PACS1: variants seen among roughly 807,000 people sequenced by gnomAD.
PACS1 encodes the protein phosphofurin acidic cluster sorting protein 1.
PACS1 carries 24 observed loss-of-function variants against 115.0 expected under a neutral mutation model. The ratio of observed to expected loss-of-function variants is 0.21; its 90% CI spans 0.15 to 0.29. The LOEUF (loss-of-function observed/expected upper bound fraction) is 0.29, where lower values mean the gene tolerates loss of function less well. PACS1 is among the 10% of genes least tolerant of loss of function. The pLI is 1.00. For missense variants in PACS1, 838 were observed against 1,251.2 expected (o/e 0.67, Z 4.98); for synonymous variants, 453 against 504.5 (o/e 0.90, Z 1.37).
intron 1 of PACS1, among the ~76,000 whole-genome samples, chr11:66,077,213 G>C (rs1857413050): frequency 6.6e-6 from 1 of 152,172 alleles, no homozygotes; most frequent in South Asian, 2.1e-4. Flanking sequence ...AATCGCAGTA[G>C]AACAGACAGC....
chr11:66,141,753 A>T (rs546402035), intron 1 of PACS1, among the ~76,000 whole-genome samples: 1 of 151,602 alleles, frequency 6.6e-6, no homozygotes, highest in South Asian at 2.1e-4. Flanking sequence ...GGTATGTGCC[A>T]CCACACCTAG....
chr11:66,232,106 C>T (rs1444317829), intron 13 of PACS1, 66 bp from the exon 14 acceptor site: 21 of 979,482 alleles, frequency 2.1e-5, no homozygotes, highest in Non-Finnish European at 3.1e-5. Flanking sequence ...TGCACCAGTC[C>T]AGCAGCCCTG....
chr11:66,227,511 T>C lies in PACS1; in HGVS notation c.1301T>C (p.Leu434Ser). The C allele has an allele frequency of 6.3e-7, 1 of 1,596,700 alleles. No individual in the cohort carries two copies. The highest frequency in any genetic ancestry group is 1.1e-5 in the South Asian group (1 of 90,054). Residue 434 changes from leucine (L) to serine (S), a missense_variant, in exon 11 of 24, where the codon TTG (leucine) becomes TCG (serine). Transcript: ENST00000320580. The part of the protein sequence containing the change: ...LGKDTTSPME[L>S]AALEKIKSTW... ...TTCTTATAATTTTTGCAGATGGAATTGGCTGCTCTAGAAAAAATTAAATCT... is the reference window on the plus strand; with the variant it reads ...TTCTTATAATTTTTGCAGATGGAATCGGCTGCTCTAGAAAAAATTAAATCT...
chr11:66,090,271 CTTTTTTT>C (rs930565654), intron 1 of PACS1, among the ~76,000 whole-genome samples: 6 of 109,444 alleles, frequency 5.5e-5, no homozygotes, highest in African/African-American at 1.1e-4. Context: ...TCTTTCCTTT[CTTTTTTT>C]TTTTTTTTTT....
chr11:66,190,271 C>T (rs1202375013), intron 1 of PACS1, among the ~76,000 whole-genome samples: 2 of 152,138 alleles, frequency 1.3e-5, no homozygotes, highest in Non-Finnish European at 2.9e-5. Flanking sequence ...TTTTGGCAAG[C>T]CTCAGATGAG....
intron 4 of PACS1, among the ~76,000 whole-genome samples, chr11:66,213,466 T>G (rs1055569333): frequency 5.3e-5 from 8 of 152,198 alleles, no homozygotes; most frequent in African/African-American, 1.9e-4. Flanking sequence ...CTGGTTCTTT[T>G]CAGTAGAGGA....
Position 66,070,567 on chromosome 11 carries a change from G to T in PACS1, c.81G>T (p.Gln27His). 6.8e-7 allele frequency: 1 copy of T among 1,473,764 alleles called. No homozygotes were observed. Among genetic ancestry groups the T allele is most frequent in the South Asian group, 1.3e-5 (1 of 77,734 alleles). 91.3% of individuals were successfully genotyped at this position (1,473,764 alleles called of 1,614,324 possible). ...GCCAGCGGGGATCCGGGGTCGCCCAGTCCCCTCAGCAGCCGCCGCCGCAGC... is the reference window on the plus strand; with the variant it reads ...GCCAGCGGGGATCCGGGGTCGCCCATTCCCCTCAGCAGCCGCCGCCGCAGC... ...GSGQRGSGVA[Q>H]SPQQPPPQQQ... Residue 27 changes from glutamine to histidine, a missense_variant, in exon 1 of 24, where the codon CAG becomes CAT. Physicochemically the swap from Gln to His is conservative, Grantham distance 24. Around this residue, in one of 6 missense-constraint regions of PACS1, gnomAD observed 129 missense variants for 109.4 expected, o/e 1.18. Transcript: ENST00000320580. The surrounding 1 kb of genome is among the most constrained non-coding windows in gnomAD (Gnocchi z 5.9).
chr11:66,087,435 G>A (rs1857592507), intron 1 of PACS1, among the ~76,000 whole-genome samples: 1 of 152,124 alleles, frequency 6.6e-6, no homozygotes, highest in Non-Finnish European at 1.5e-5. Flanking sequence ...TAGAGGAAGG[G>A]TTTCACCATG....
At chr11:66,231,654 G>T (rs1037321795) in intron 13 of PACS1, 20 of 167,874 alleles carry the variant, frequency 1.2e-4, no homozygotes, top group Non-Finnish European at 2.1e-4. Flanking sequence ...CTTGAGACTA[G>T]AATAGCCCAG....
At position 66,173,505 on chromosome 11, in the gene PACS1, C is replaced by T. The variant is rs575866957; in HGVS notation, c.357-19981C>T. ...AGCGGATCACTTGAGCTCAGGAGTTCGAAACCAGCTTGGCCATCATGGTGA... is the reference window on the plus strand; with the variant it reads ...AGCGGATCACTTGAGCTCAGGAGTTTGAAACCAGCTTGGCCATCATGGTGA... On this transcript the variant is annotated intron_variant, in intron 1 of 23. Coordinates refer to ENST00000320580, the MANE Select transcript of PACS1 (RefSeq NM_018026.4). 2.4e-3 allele frequency among the ~76,000 whole-genome samples: 358 copies of T among 151,996 alleles called. 2 individuals are homozygous for T. The highest frequency in any genetic ancestry group is 4.5e-3 in the Non-Finnish European group (305 of 67,980).
intron 1 of PACS1, among the ~76,000 whole-genome samples, chr11:66,073,568 T>C (rs2134490736): frequency 6.6e-6 from 1 of 152,340 alleles, no homozygotes; most frequent in East Asian, 1.9e-4. Context: ...TACCGTTTCC[T>C]GTATTAGATA....
chr11:66,147,856 A>G (rs1006409070), intron 1 of PACS1, among the ~76,000 whole-genome samples: 1 of 152,218 alleles, frequency 6.6e-6, no homozygotes, highest in African/African-American at 2.4e-5. Flanking sequence ...TGTCTGTGAC[A>G]CAAATGATAA....
chr11:66,196,355 C>A (rs1854650071), intron 2 of PACS1, among the ~76,000 whole-genome samples: 1 of 152,234 alleles, frequency 6.6e-6, no homozygotes, highest in Non-Finnish European at 1.5e-5. Context: ...GACGTGTACA[C>A]TGAGCACTTC....
At chr11:66,229,673 C>T (rs1044375422) in intron 11 of PACS1, among the ~76,000 whole-genome samples, 4 of 151,338 alleles carry the variant, frequency 2.6e-5, no homozygotes, top group Non-Finnish European at 5.9e-5. Flanking sequence ...AGCAAGACTC[C>T]GTCTCAAAAA....
At chr11:66,081,162 A>G (rs1857469765) in intron 1 of PACS1, among the ~76,000 whole-genome samples, 1 of 152,046 alleles carries the variant, frequency 6.6e-6, no homozygotes, top group Admixed American at 6.6e-5. Context: ...GAGCTCAGGA[A>G]GTCAAGAATT....
At chr11:66,074,636 A>T (rs535305475) in intron 1 of PACS1, among the ~76,000 whole-genome samples, 162 of 152,312 alleles carry the variant, frequency 1.1e-3, no homozygotes, top group Middle Eastern at 0.01. Context: ...CCTTATGTGT[A>T]TGTGAACTTA....
intron 1 of PACS1, among the ~76,000 whole-genome samples, chr11:66,146,984 A>C (rs1211923522): frequency 6.6e-6 from 1 of 152,170 alleles, no homozygotes; most frequent in African/African-American, 2.4e-5. Flanking sequence ...TTGAACCTGG[A>C]AAGTGGAGCT....
At chr11:66,109,287 C>T (rs915057264) in intron 1 of PACS1, among the ~76,000 whole-genome samples, 14 of 152,036 alleles carry the variant, frequency 9.2e-5, no homozygotes, top group Non-Finnish European at 1.8e-4. Context: ...TATGGCCAGG[C>T]GTGGTGGCTC....
chr11:66,073,202 A>C (rs1417818461), intron 1 of PACS1, among the ~76,000 whole-genome samples: 1 of 151,996 alleles, frequency 6.6e-6, no homozygotes, highest in Admixed American at 6.6e-5. Context: ...CCAGAATAAC[A>C]CTCTGTGGGG....
Sources: gnomAD v4.1 joint callset for allele counts (sites outside exome capture counted in the v4.1 genomes callset) on GRCh38, gnomAD v4.1.1 for gene constraint, gnomAD v4.1.1 regional missense constraint, Gnocchi (gnomAD v3.1) non-coding constraint, MANE v1.5 for transcripts, NCBI Gene and HGNC (gene_info 2026-07-23, HGNC 2026-07-21) for gene names.